Variants in GPHN observed in about 807,000 individuals in gnomAD.
GPHN encodes the protein gephyrin.
GPHN carries 17 observed loss-of-function variants against 95.5 expected under a neutral mutation model. That is an observed-to-expected ratio of 0.18 (90% confidence interval 0.12 to 0.27). The LOEUF is 0.27. GPHN is among the 10% of genes least tolerant of loss of function. The pLI is 1.00. For synonymous variants in GPHN, 320 were observed against 322.5 expected, an observed-to-expected ratio of 0.99 and a Z score of 0.08; for missense variants, 660 against 978.1, an observed-to-expected ratio of 0.67 and a Z score of 4.34.
chr14:67,429,230 ATT>A, the GPHN span, among the ~76,000 whole-genome samples: 25 of 134,546 alleles, frequency 1.9e-4, no homozygotes, highest in Admixed American at 2.2e-4. Flanking sequence ...CAAGTGGACA[ATT>A]TTTTTTTTTT....
At chr14:67,543,504 C>T in the GPHN span, among the ~76,000 whole-genome samples, 9 of 152,190 alleles carry the variant, frequency 5.9e-5, no homozygotes, top group African/African-American at 2.2e-4. Flanking sequence ...TGGCCAGAAC[C>T]ACGTAGAGTG....
intron 10 of GPHN, among the ~76,000 whole-genome samples, chr14:67,050,439 A>G (rs2075255766): frequency 6.6e-6 from 1 of 152,222 alleles, no homozygotes. Context: ...GGAAGGCACT[A>G]TTCTAAAAGT....
chr14:67,327,010 A>G, the GPHN span, among the ~76,000 whole-genome samples: 9 of 152,162 alleles, frequency 5.9e-5, no homozygotes, highest in South Asian at 4.1e-4. Flanking sequence ...CCCCGTCTCT[A>G]CTAAAAATAC....
the GPHN span, chr14:67,647,754 TA>T: frequency 1.1e-5 from 3 of 277,588 alleles, no homozygotes; most frequent in East Asian, 2.1e-4. Flanking sequence ...TGACAGTTAT[TA>T]GTATAAGAGG....
the GPHN span, among the ~76,000 whole-genome samples, chr14:67,259,740 T>G: frequency 1.1e-4 from 17 of 152,008 alleles, no homozygotes; most frequent in Non-Finnish European, 2.2e-4. Flanking sequence ...GAAGACTCCA[T>G]CTATACAAAA....
At chr14:67,388,305 G>T in the GPHN span, 1 of 1,601,612 alleles carries the variant, frequency 6.2e-7, no homozygotes, top group Non-Finnish European at 8.6e-7. Flanking sequence ...TTCTCTTCCT[G>T]TAGAGGAAAG....
chr14:66,652,591 A>G (rs936540599), intron 1 of GPHN, among the ~76,000 whole-genome samples: 7 of 151,500 alleles, frequency 4.6e-5, no homozygotes, highest in Non-Finnish European at 8.8e-5. Context: ...CTTTTGTTTT[A>G]ATATTCTAAA....
At chr14:66,701,532 G>A (rs530608622) in intron 2 of GPHN, among the ~76,000 whole-genome samples, 25 of 152,296 alleles carry the variant, frequency 1.6e-4, no homozygotes, top group South Asian at 8.3e-4. Context: ...GAAGAGCAAT[G>A]TGGTGTGGCA....
the GPHN span, among the ~76,000 whole-genome samples, chr14:67,641,273 T>A: frequency 2.6e-5 from 4 of 152,350 alleles, no homozygotes; most frequent in South Asian, 8.3e-4. Context: ...GTTCCATCCC[T>A]AAGATATCTC....
the GPHN span, chr14:67,579,526 C>A: frequency 1.5e-6 from 1 of 652,154 alleles, no homozygotes; most frequent in Non-Finnish European, 2.6e-6. Flanking sequence ...CCAGGTATGC[C>A]CAGTTCATTT....
At chr14:66,880,054 T>C in intron 5 of GPHN, 21 bp downstream of exon 5, 1 of 1,400,904 alleles carries the variant, frequency 7.1e-7, no homozygotes, top group South Asian at 1.2e-5. Flanking sequence ...CACCAACATG[T>C]TGCAAACCAT....
chr14:67,459,997 C>G, the GPHN span, among the ~76,000 whole-genome samples: 1 of 152,150 alleles, frequency 6.6e-6, no homozygotes, highest in East Asian at 1.9e-4. Flanking sequence ...CTGGAAGACT[C>G]TACAGTTATT....
chr14:67,555,405 G>C, the GPHN span, among the ~76,000 whole-genome samples: 1 of 152,162 alleles, frequency 6.6e-6, no homozygotes, highest in Non-Finnish European at 1.5e-5. Context: ...GTTTTCTATC[G>C]ATGACACAGG....
intron 4 of GPHN, among the ~76,000 whole-genome samples, chr14:66,829,977 A>T (rs765765334): frequency 6.6e-6 from 1 of 152,170 alleles, no homozygotes; most frequent in Non-Finnish European, 1.5e-5. Flanking sequence ...TGTGAGGTGA[A>T]AATTATTTGG....
intron 17 of GPHN, among the ~76,000 whole-genome samples, chr14:67,139,257 T>C (rs973676079): frequency 1.3e-5 from 2 of 151,026 alleles, no homozygotes; most frequent in African/African-American, 4.9e-5. Flanking sequence ...TAGGTCTCAC[T>C]ACATCACCCA....
At chr14:67,135,008 G>A (rs1327307236) in intron 17 of GPHN, among the ~76,000 whole-genome samples, 1 of 112,606 alleles carries the variant, frequency 8.9e-6, no homozygotes, top group African/African-American at 3.6e-5. Flanking sequence ...CACCCAGGCT[G>A]GAGTGCAATG....
chr14:67,216,073 G>A, the GPHN span, among the ~76,000 whole-genome samples: 1 of 152,032 alleles, frequency 6.6e-6, no homozygotes, highest in Non-Finnish European at 1.5e-5. Flanking sequence ...GCCTCCCACC[G>A]TGTCCTCCTA....
chr14:67,269,436 T>C, the GPHN span, among the ~76,000 whole-genome samples: 1 of 152,132 alleles, frequency 6.6e-6, no homozygotes, highest in East Asian at 1.9e-4. Flanking sequence ...TTTTGAGGAA[T>C]TGCCAGACTG....
intron 2 of GPHN, among the ~76,000 whole-genome samples, chr14:66,771,853 A>G (rs1487750231): frequency 2.6e-5 from 4 of 151,638 alleles, no homozygotes; most frequent in East Asian, 3.9e-4. Flanking sequence ...GTGTCTTCAA[A>G]CAGAAACACA....
Sources: gnomAD v4.1 joint callset for allele counts (sites outside exome capture counted in the v4.1 genomes callset) on GRCh38, gnomAD v4.1.1 for gene constraint, MANE v1.5 for transcripts, NCBI Gene and HGNC (gene_info 2026-07-23, HGNC 2026-07-21) for gene names.